CFAP99: variants seen among roughly 807,000 people sequenced by gnomAD.
CFAP99 encodes cilia- and flagella-associated protein 99.
A neutral mutation model predicts 82.7 loss-of-function variants in CFAP99; 84 were observed. The ratio of observed to expected loss-of-function variants is 1.02; its 90% CI spans 0.85 to 1.22. The LOEUF (loss-of-function observed/expected upper bound fraction) is 1.22, where lower values mean the gene tolerates loss of function less well. Among genes scored for constraint, CFAP99 ranks in the 50% most tolerant of loss-of-function variants. The probability of loss-of-function intolerance (pLI) is 0.00; values close to 1 mark genes in which losing one functional copy is unlikely to be tolerated. For synonymous variants in CFAP99, 456 were observed against 429.5 expected, an observed-to-expected ratio of 1.06 and a Z score of -0.76; for missense variants, 1,059 against 983.5, an observed-to-expected ratio of 1.08 and a Z score of -1.03.
At chr4:2,421,350 C>CCT (rs548093654) in intron 1 of CFAP99, among the ~76,000 whole-genome samples, 1 of 96,984 alleles carries the variant, frequency 1.0e-5, no homozygotes, top group Non-Finnish European at 1.9e-5. Context: ...TCTGCCCACC[C>CCT]TTTTTTTTTT....
intron 8 of CFAP99, 27 bp from the exon 9 acceptor site, chr4:2,450,920 C>A (rs930229900): frequency 2.0e-6 from 3 of 1,533,182 alleles, no homozygotes; most frequent in South Asian, 1.2e-5. Context: ...AGGTGCCAGG[C>A]GGCCAGCTCT....
intron 1 of CFAP99, among the ~76,000 whole-genome samples, chr4:2,425,256 T>C (rs1047688381): frequency 6.6e-6 from 1 of 152,206 alleles, no homozygotes; most frequent in Non-Finnish European, 1.5e-5. Context: ...ATGGTTTCTA[T>C]GTTTCATGTC....
In CFAP99 at chr4:2,448,494, C is replaced by A. The variant is rs867560691; in HGVS notation, c.643-1176C>A. On this transcript the variant is annotated intron_variant, in intron 6 of 14. Transcript: ENST00000635017. The surrounding 1 kb of genome is among the most constrained non-coding windows in gnomAD (Gnocchi z 5.2). ...GGTTGAGGGCCCACTGTAATTCACTCATTCATTATCTCAGACAAAGGAGAT... is the reference window on the plus strand; with the variant it reads ...GGTTGAGGGCCCACTGTAATTCACTAATTCATTATCTCAGACAAAGGAGAT... Among the ~76,000 whole-genome samples, 5 of 152,222 alleles carry A rather than the reference C, an allele frequency of 3.3e-5. No homozygotes were observed. Among genetic ancestry groups the A allele is most frequent in the African/African-American group, 4.8e-5 (2 of 41,456 alleles).
At chr4:2,434,888 A>T (rs1328280524) in intron 2 of CFAP99, among the ~76,000 whole-genome samples, 1 of 152,232 alleles carries the variant, frequency 6.6e-6, no homozygotes, top group African/African-American at 2.4e-5. Flanking sequence ...CCCTATTTGC[A>T]GAGCAGTACC....
At chr4:2,438,116 G>T in exon 4 of CFAP99, 3 of 1,535,664 alleles carry the variant, frequency 2.0e-6, no homozygotes, top group Non-Finnish European at 2.6e-6. Context: ...TCGGCTTCCA[G>T]CTATTCTGTA....
exon 11 of CFAP99, chr4:2,452,167 G>A (rs1734316664): frequency 1.3e-6 from 2 of 1,536,036 alleles, no homozygotes; most frequent in Non-Finnish European, 1.7e-6. Flanking sequence ...GGATGGGGCT[G>A]GGGACTTCTC....
intron 2 of CFAP99, among the ~76,000 whole-genome samples, chr4:2,432,960 A>C (rs879523291): frequency 4.6e-5 from 7 of 151,916 alleles, no homozygotes; most frequent in Non-Finnish European, 8.8e-5. Context: ...CCCCTGAGGC[A>C]TGTGTCACCC....
chr4:2,462,911 C>A lies in CFAP99; in HGVS notation c.2130C>A (p.Arg710=). Residue 710 remains arginine, a synonymous_variant, in exon 15 of 15, where the codon CGC becomes CGA. Coordinates refer to ENST00000635017, the Ensembl canonical transcript of CFAP99. The surrounding 1 kb of genome is among the most constrained non-coding windows in gnomAD (Gnocchi z 4.1). ...GCTCAGGACCCGGGCCCGCGCGCCG[C>A]CTGGAGGCCGCCTGAGCCGGGCCGA... The A allele has an allele frequency of 7.6e-7, 1 of 1,307,964 alleles. No homozygotes were observed. The highest frequency in any genetic ancestry group is 3.2e-5 in the East Asian group (1 of 31,224). The allele number at this position is 1,307,964 out of a possible 1,614,324, so 81.0% of individuals were successfully genotyped here. A position where few individuals can be genotyped will look rare whatever the true frequency, so the allele number is the denominator to read the frequency against.
At position 2,459,304 on chromosome 4, in the gene CFAP99, G is replaced by A. The variant is rs763451014; in HGVS notation, c.1455+46G>A. The A allele has an allele frequency of 7.0e-5, 103 of 1,477,812 alleles. 1 individual carries two copies. The South Asian group carries it at 9.0e-4, about 13-fold the overall frequency. The allele number at this position is 1,477,812 out of a possible 1,614,324, so 91.5% of individuals were successfully genotyped here. A position where few individuals can be genotyped will look rare whatever the true frequency, so the allele number is the denominator to read the frequency against. The stretch of plus-strand genomic sequence containing the variant: ...GGGCCCATGCCTCAGGGGCCTCCAC[G>A]CTGGCACTGCCATGAGAGGCAGTTT... On this transcript the variant is annotated intron_variant, in intron 13 of 14. Transcript: ENST00000635017.
chr4:2,454,038 G>A (rs192624710), intron 11 of CFAP99, among the ~76,000 whole-genome samples: 87 of 151,842 alleles, frequency 5.7e-4, no homozygotes, highest in African/African-American at 1.9e-3. Flanking sequence ...TTGCTCTGTC[G>A]CCCGGGCTGG....
At chr4:2,440,619 GT>G (rs1734014600) in intron 4 of CFAP99, among the ~76,000 whole-genome samples, 9 of 151,792 alleles carry the variant, frequency 5.9e-5, no homozygotes, top group African/African-American at 2.2e-4. Flanking sequence ...TTGAGGTGGA[GT>G]CTCACTCTGT....
intron 1 of CFAP99, among the ~76,000 whole-genome samples, chr4:2,421,171 C>T (rs997599686): frequency 2.0e-5 from 3 of 152,238 alleles, no homozygotes; most frequent in Admixed American, 6.5e-5. Flanking sequence ...TGGCTTTAAT[C>T]GGGAGAAAAG....
rs73791805 is a variant in CFAP99 at position 2,448,184 on chromosome 4, C to A, written c.643-1486C>A. On this transcript the variant is annotated intron_variant, in intron 6 of 14. Coordinates refer to ENST00000635017, the Ensembl canonical transcript of CFAP99. The surrounding 1 kb of genome is among the most constrained non-coding windows in gnomAD (Gnocchi z 5.2). ...TTGTTGCTGAGCAACCCCACAGTTG[C>A]CCCATCTGTATAATCTTCAGCATTT... Among the ~76,000 whole-genome samples the A allele has an allele frequency of 8.3e-3, 1,263 of 152,228 alleles. 15 individuals are homozygous for A. Among genetic ancestry groups the A allele is most frequent in the African/African-American group, 0.029 (1,207 of 41,512 alleles).
At chr4:2,445,706 CTCTT>C (rs975126205) in intron 6 of CFAP99, among the ~76,000 whole-genome samples, 9 of 152,228 alleles carry the variant, frequency 5.9e-5, no homozygotes, top group Non-Finnish European at 8.8e-5. Context: ...GACTCTTCCT[CTCTT>C]TCTTTCTCTT....
At chr4:2,434,853 C>T (rs969750700) in intron 2 of CFAP99, among the ~76,000 whole-genome samples, 17 of 152,136 alleles carry the variant, frequency 1.1e-4, no homozygotes, top group Admixed American at 3.9e-4. Context: ...ACTGCAGGGA[C>T]GATGCTAGAA....
intron 4 of CFAP99, among the ~76,000 whole-genome samples, chr4:2,441,379 A>C (rs937795968): frequency 1.3e-5 from 2 of 151,680 alleles, no homozygotes; most frequent in Admixed American, 6.6e-5. Context: ...TCTCAAAAAA[A>C]AAAAAAAAAA....
intron 2 of CFAP99, chr4:2,426,984 A>G (rs868445974): frequency 8.1e-5 from 19 of 234,872 alleles, no homozygotes; most frequent in Middle Eastern, 1.7e-3. Context: ...CAAGGCCACA[A>G]CTTGTGCTGT....
intron 2 of CFAP99, among the ~76,000 whole-genome samples, chr4:2,432,822 G>A (rs552396949): frequency 1.5e-4 from 23 of 152,348 alleles, no homozygotes; most frequent in African/African-American, 5.3e-4. Flanking sequence ...CGGTCTCAGT[G>A]ACTGAGGCTG....
intron 12 of CFAP99, 31 bp downstream of exon 12, chr4:2,458,895 C>A: frequency 1.3e-6 from 2 of 1,518,164 alleles, no homozygotes; most frequent in Non-Finnish European, 1.8e-6. Flanking sequence ...ACTGGCCCTA[C>A]CCCGCTCTTC....
Sources: allele counts gnomAD v4.1 joint callset (sites outside exome capture counted in the v4.1 genomes callset), GRCh38; gene constraint gnomAD v4.1.1; non-coding constraint Gnocchi (gnomAD v3.1); transcripts MANE v1.5; gene names NCBI Gene and HGNC (gene_info 2026-07-23, HGNC 2026-07-21).